PCDH11X: variants seen among roughly 807,000 people sequenced by gnomAD.
PCDH11X encodes protocadherin-11 X-linked.
In PCDH11X, 18 loss-of-function variants were observed where a neutral mutation model predicts 53.3. The observed-to-expected ratio is 0.34, with a 90% confidence interval of 0.23 to 0.50. PCDH11X has a LOEUF of 0.50. Among genes scored for constraint, PCDH11X ranks in the 20% least tolerant of loss-of-function variants. The pLI, the probability that PCDH11X is intolerant of heterozygous loss-of-function variation, is 0.98. For missense variants in PCDH11X, 570 were observed against 1,032.4 expected, an observed-to-expected ratio of 0.55 and a Z score of 6.14; for synonymous variants, 279 against 393.3, an observed-to-expected ratio of 0.71 and a Z score of 3.44.
intron 9 of PCDH11X, among the ~76,000 whole-genome samples, chrX:92,438,263 G>A (rs966369557): frequency 7.2e-5 from 8 of 111,585 alleles, no homozygotes; most frequent in African/African-American, 2.6e-4. Context: ...GCATAAGCAC[G>A]TATTTTAGTA....
At chrX:92,023,342 A>G (rs2062918649) in intron 6 of PCDH11X, among the ~76,000 whole-genome samples, 1 of 108,134 alleles carries the variant, frequency 9.2e-6, no homozygotes, top group Admixed American at 1.0e-4. Flanking sequence ...TATCACCCCG[A>G]CCACAAAGCA....
intron 7 of PCDH11X, among the ~76,000 whole-genome samples, chrX:92,223,860 G>A (rs1384953399): frequency 1.8e-5 from 2 of 111,236 alleles, no homozygotes; most frequent in African/African-American, 6.5e-5. Flanking sequence ...TATGGTGTAT[G>A]TATGTATTCT....
chrX:92,226,601 G>A (rs2066976018), intron 7 of PCDH11X, among the ~76,000 whole-genome samples: 1 of 111,799 alleles, frequency 8.9e-6, no homozygotes, highest in Non-Finnish European at 1.9e-5. Flanking sequence ...TTAAAGAAAA[G>A]CAGGAAAAAG....
At chrX:92,336,303 C>T (rs200527484) in intron 8 of PCDH11X, among the ~76,000 whole-genome samples, 1 of 111,239 alleles carries the variant, frequency 9.0e-6, no homozygotes, top group Non-Finnish European at 1.9e-5. Flanking sequence ...ACTTCAAGGT[C>T]ATAAAATTGA....
At chrX:92,568,247 T>C (rs1349350996) in intron 10 of PCDH11X, among the ~76,000 whole-genome samples, 8 of 109,539 alleles carry the variant, frequency 7.3e-5, no homozygotes, top group African/African-American at 1.3e-4. Context: ...CGGTGAAACC[T>C]GTCTCAACTA....
Position 91,986,279 on chromosome X carries a change from G to A in PCDH11X, c.3033+107006G>A, listed in dbSNP as rs192246441. 4.0e-3 allele frequency among the ~76,000 whole-genome samples: 445 copies of A among 111,853 alleles called. 3 individuals carry two copies. In the East Asian group the frequency reaches 0.057, roughly 14 times the overall value. On this transcript the variant is annotated intron_variant, in intron 6 of 10. Transcript: ENST00000682573. The stretch of plus-strand genomic sequence containing the variant: ...ACATCTAAGAATTCAAAGTAGTTTA[G>A]AGAAATAAAGTTAATAAAGATTTAA...
At chrX:92,288,084 A>G in intron 8 of PCDH11X, 1 of 485,195 alleles carries the variant, frequency 2.1e-6, no homozygotes, top group Non-Finnish European at 3.7e-6. Flanking sequence ...TTTTCTTTAT[A>G]AACTACCCAG....
intron 6 of PCDH11X, among the ~76,000 whole-genome samples, chrX:92,081,648 T>C (rs927112073): frequency 2.7e-5 from 3 of 109,253 alleles, no homozygotes; most frequent in African/African-American, 1.0e-4. Flanking sequence ...AATTAGGCAC[T>C]AATAAATAAG....
chrX:92,490,362 A>G (rs1311799087), intron 10 of PCDH11X, among the ~76,000 whole-genome samples: 3 of 111,660 alleles, frequency 2.7e-5, no homozygotes, highest in Non-Finnish European at 5.6e-5. Flanking sequence ...TACGTCACAT[A>G]TTCTGCGCTA....
intron 5 of PCDH11X, among the ~76,000 whole-genome samples, chrX:91,871,051 G>C (rs1200097410): frequency 1.8e-5 from 2 of 110,120 alleles, no homozygotes; most frequent in Non-Finnish European, 3.8e-5. Context: ...GTAGTGCATA[G>C]ACTCTAAAAG....
intron 7 of PCDH11X, among the ~76,000 whole-genome samples, chrX:92,259,651 C>G (rs959330776): frequency 2.7e-5 from 3 of 111,410 alleles, no homozygotes; most frequent in African/African-American, 9.8e-5. Flanking sequence ...GGTGAGGACT[C>G]AGATCCAAAC....
In PCDH11X at chrX:91,789,380, G is replaced by A. The variant is rs1467139772; in HGVS notation, c.-379+9696G>A. ...ATACACACACCAAACACACAAACAG[G>A]ACAAAACCTTTACATGAGAGCTCCT... On this transcript the variant is annotated intron_variant, in intron 1 of 10. Coordinates refer to ENST00000682573, the MANE Select transcript of PCDH11X (RefSeq NM_032968.5). Among the ~76,000 whole-genome samples the A allele has an allele frequency of 3.6e-5, 3 of 84,061 alleles. No individual in the cohort carries two copies. In the Admixed American group the frequency reaches 4.3e-4, roughly 12 times the overall value. The allele number at this position is 84,061 out of a possible 115,157, so 73.0% of individuals were successfully genotyped here. A position where few individuals can be genotyped will look rare whatever the true frequency, so the allele number is the denominator to read the frequency against.
chrX:92,214,382 T>C (rs1221023321), intron 7 of PCDH11X, among the ~76,000 whole-genome samples: 3 of 112,052 alleles, frequency 2.7e-5, no homozygotes, highest in Admixed American at 9.5e-5. Context: ...GCAACCTCAT[T>C]ATTTGGTTCT....
rs192949393 is a variant in PCDH11X, at chrX:92,500,315, C to T, written c.3367+31993C>T. ...TATGACACGAAACTATAAAAATCAA[C>T]TGATTTCTCCTACCTTTTTTACCCT... is the stretch of plus-strand genomic sequence containing the variant. On this transcript the variant is annotated intron_variant, in intron 10 of 10. Transcript: ENST00000682573. Among the ~76,000 whole-genome samples the T allele has an allele frequency of 4.5e-3, 500 of 111,631 alleles. 3 individuals are homozygous for T. The highest frequency in any genetic ancestry group is 0.015 in the African/African-American group (476 of 30,797).
At chrX:92,221,251 T>TA (rs1451633672) in intron 7 of PCDH11X, among the ~76,000 whole-genome samples, 1 of 35,718 alleles carries the variant, frequency 2.8e-5, no homozygotes, top group Non-Finnish European at 7.0e-5. Flanking sequence ...TGCTCATTTT[T>TA]TTTTTAAAAA....
chrX:91,842,779 G>A (rs1214072863), intron 5 of PCDH11X, among the ~76,000 whole-genome samples: 1 of 97,510 alleles, frequency 1.0e-5, no homozygotes, highest in African/African-American at 3.9e-5. Context: ...AAGTAAGTGT[G>A]AATTTTGTTT....
At chrX:92,006,514 T>C (rs2525248) in intron 6 of PCDH11X, among the ~76,000 whole-genome samples, 2 of 111,220 alleles carry the variant, frequency 1.8e-5, no homozygotes, top group African/African-American at 6.5e-5. Context: ...ATTCCTTCTC[T>C]GTGTTATCTT....
chrX:92,062,552 T>C (rs976286093), intron 6 of PCDH11X, among the ~76,000 whole-genome samples: 6 of 111,778 alleles, frequency 5.4e-5, no homozygotes, highest in Admixed American at 3.8e-4. Context: ...AACAGACACT[T>C]CTCAAAAGAA....
intron 8 of PCDH11X, among the ~76,000 whole-genome samples, chrX:92,296,082 CAAA>C (rs35158475): frequency 1.1e-5 from 1 of 93,365 alleles, no homozygotes. Context: ...AACTCTGTCT[CAAA>C]AAAAAAAAAA....
Sources: allele counts gnomAD v4.1 joint callset (sites outside exome capture counted in the v4.1 genomes callset), GRCh38; gene constraint gnomAD v4.1.1; transcripts MANE v1.5; gene names NCBI Gene and HGNC (gene_info 2026-07-23, HGNC 2026-07-21).